The following KLF12 variants were observed in gnomAD, a reference collection of about 807,000 sequenced individuals.
The protein encoded by KLF12 is Krueppel-like factor 12.
Under a neutral mutation model 37.8 loss-of-function variants are expected in KLF12, and 9 were observed. That is an observed-to-expected ratio of 0.24 (90% CI 0.14 to 0.42). The LOEUF (loss-of-function observed/expected upper bound fraction) is 0.42, where lower values mean the gene tolerates loss of function less well. Among genes scored for constraint, KLF12 ranks in the 10% least tolerant of loss-of-function variants. The probability of loss-of-function intolerance (pLI) is 1.00; values close to 1 mark genes in which losing one functional copy is unlikely to be tolerated. For missense variants in KLF12, 411 were observed against 516.0 expected, an observed-to-expected ratio of 0.80 and a Z score of 1.97; for synonymous variants, 208 against 202.1, an observed-to-expected ratio of 1.03 and a Z score of -0.25.
At chr13:73,871,253 T>A (rs1468151539) in intron 3 of KLF12, among the ~76,000 whole-genome samples, 1 of 152,210 alleles carries the variant, frequency 6.6e-6, no homozygotes, top group Non-Finnish European at 1.5e-5. Flanking sequence ...CAGCAGCTTC[T>A]CTGTCTCTGC....
chr13:73,999,804 C>G (rs929260735), intron 1 of KLF12, among the ~76,000 whole-genome samples: 2 of 152,152 alleles, frequency 1.3e-5, no homozygotes, highest in African/African-American at 4.8e-5. Context: ...TTTGACTCAT[C>G]AGGCAATCCA....
At chr13:73,820,924 C>T (rs1220261848) in intron 4 of KLF12, among the ~76,000 whole-genome samples, 1 of 152,162 alleles carries the variant, frequency 6.6e-6, no homozygotes, top group African/African-American at 2.4e-5. Flanking sequence ...GCAAATTAAG[C>T]CCTGTGGGCC....
intron 1 of KLF12, among the ~76,000 whole-genome samples, chr13:74,084,505 A>G (rs2138780016): frequency 6.6e-6 from 1 of 152,326 alleles, no homozygotes; most frequent in East Asian, 1.9e-4. Context: ...GTCACCACGA[A>G]ACATTTACCA....
chr13:73,917,901 G>C (rs1888919061), intron 3 of KLF12, among the ~76,000 whole-genome samples: 1 of 151,894 alleles, frequency 6.6e-6, no homozygotes, highest in African/African-American at 2.4e-5. Flanking sequence ...ATATTTGTTG[G>C]GCTTTTCTAC....
the KLF12 span, among the ~76,000 whole-genome samples, chr13:74,142,346 T>A: frequency 6.6e-6 from 1 of 152,242 alleles, no homozygotes; most frequent in Non-Finnish European, 1.5e-5. Flanking sequence ...TTGCATTTCA[T>A]ATTCAAATGA....
At position 73,994,994 on chromosome 13, in the gene KLF12, A is replaced by C. The variant is rs754990074; in HGVS notation, c.29T>G (p.Ile10Arg). 6.3e-7 allele frequency: 1 copy of C among 1,598,764 alleles called. No homozygotes were observed. The highest frequency in any genetic ancestry group is 8.6e-7 in the Non-Finnish European group (1 of 1,167,272). Residue 10 changes from isoleucine (I) to arginine (R), a missense_variant, in exon 2 of 8, where the codon ATA (isoleucine) becomes AGA (arginine). By Grantham distance (97) the Ile-to-Arg change is moderately conservative (BLOSUM62 -3). This residue lies in a region of KLF12 where 351 missense variants were observed against 397.8 expected (regional missense o/e 0.88). Transcript: ENST00000377669. The stretch of plus-strand genomic sequence containing the variant: ...TTTAACATCTGACTAACCAACCTTT[A>C]TTGTTTTTCTCTTCATATGGATATT...
At chr13:74,091,414 G>A (rs1486709303) in intron 1 of KLF12, among the ~76,000 whole-genome samples, 1 of 152,168 alleles carries the variant, frequency 6.6e-6, no homozygotes, top group Non-Finnish European at 1.5e-5. Context: ...ATGTTATACA[G>A]TTGGAATCAT....
chr13:73,918,658 A>T (rs1164640655), intron 3 of KLF12, among the ~76,000 whole-genome samples: 1 of 152,210 alleles, frequency 6.6e-6, no homozygotes, highest in Non-Finnish European at 1.5e-5. Context: ...GAGCTACTTA[A>T]CAATCAAAAC....
At chr13:74,213,916 G>A in the KLF12 span, among the ~76,000 whole-genome samples, 1 of 151,900 alleles carries the variant, frequency 6.6e-6, no homozygotes, top group Admixed American at 6.6e-5. Context: ...ATCAAATGAA[G>A]ATTTAGCATT....
At chr13:74,056,818 G>A (rs966286112) in intron 1 of KLF12, among the ~76,000 whole-genome samples, 3 of 152,132 alleles carry the variant, frequency 2.0e-5, no homozygotes, top group Non-Finnish European at 4.4e-5. Flanking sequence ...TGCCTTTTTT[G>A]GGAGGGGAGA....
intron 5 of KLF12, among the ~76,000 whole-genome samples, chr13:73,770,362 A>G (rs1880190200): frequency 6.6e-6 from 1 of 152,124 alleles, no homozygotes; most frequent in African/African-American, 2.4e-5. Context: ...TTTTATTCTC[A>G]GGTTTTCCTC....
Position 73,929,134 on chromosome 13 carries a change from T to C in KLF12, c.123+14847A>G, listed in dbSNP as rs748177267. ...TCAATTAAGTGCTAAATTGGGTGGG[T>C]AGTGATTGTAAGTAGATTCAATAAA... On this transcript the variant is annotated intron_variant, in intron 3 of 7. Transcript: ENST00000377669. Among the ~76,000 whole-genome samples, 5 of 152,082 alleles carry C rather than the reference T, an allele frequency of 3.3e-5. No individual in the cohort carries two copies. In the East Asian group the frequency reaches 7.7e-4, roughly 23 times the overall value.
intron 2 of KLF12, among the ~76,000 whole-genome samples, chr13:73,955,906 A>G (rs1890816451): frequency 6.6e-6 from 1 of 152,212 alleles, no homozygotes; most frequent in Non-Finnish European, 1.5e-5. Context: ...TGTTCCTGTC[A>G]TCACCCTGAC....
At chr13:74,268,266 T>G in the KLF12 span, among the ~76,000 whole-genome samples, 2 of 152,196 alleles carry the variant, frequency 1.3e-5, no homozygotes, top group African/African-American at 4.8e-5. Context: ...TGGGTGGGAC[T>G]TTTGGCAGGG....
intron 1 of KLF12, among the ~76,000 whole-genome samples, chr13:74,098,442 C>T (rs930726936): frequency 6.6e-6 from 1 of 152,108 alleles, no homozygotes; most frequent in African/African-American, 2.4e-5. Flanking sequence ...GACTTAGAGC[C>T]TTGTGGAGAG....
intron 1 of KLF12, among the ~76,000 whole-genome samples, chr13:74,077,527 G>A (rs1219546479): frequency 6.6e-6 from 1 of 152,138 alleles, no homozygotes; most frequent in Non-Finnish European, 1.5e-5. Flanking sequence ...CACTCAGAGT[G>A]ATGCACCGAA....
In KLF12 at chr13:73,695,493, C is replaced by T. The variant is rs563314427; in HGVS notation, c.1206G>A (p.Val402=). 7.4e-6 allele frequency: 12 copies of T among 1,613,532 alleles called. 1 individual carries two copies. Among genetic ancestry groups the T allele is most frequent in the South Asian group, 1.1e-5 (1 of 91,062 alleles). Residue 402 remains valine, a synonymous_variant, in exon 8 of 8, where the codon GTG becomes GTA. Coordinates refer to ENST00000377669, the MANE Select transcript of KLF12 (RefSeq NM_007249.5). ...TCAGCTGGACAGGTAGCATTCCTCA[C>T]ACCAACATATGCCTCCGGCGGTGCA...
intron 5 of KLF12, among the ~76,000 whole-genome samples, chr13:73,774,852 T>C (rs1018210632): frequency 5.3e-5 from 8 of 152,136 alleles, no homozygotes; most frequent in African/African-American, 1.9e-4. Flanking sequence ...CTATACATGT[T>C]TACAAATATA....
the KLF12 span, among the ~76,000 whole-genome samples, chr13:74,178,915 T>C: frequency 6.6e-6 from 1 of 152,214 alleles, no homozygotes; most frequent in Non-Finnish European, 1.5e-5. Flanking sequence ...TTATAATCTG[T>C]TACAGTTAGT....
Sources: allele counts gnomAD v4.1 joint callset (sites outside exome capture counted in the v4.1 genomes callset), GRCh38; gene constraint gnomAD v4.1.1; regional missense constraint gnomAD v4.1.1; transcripts MANE v1.5; gene names NCBI Gene and HGNC (gene_info 2026-07-23, HGNC 2026-07-21).